Variants in UNC13C observed in about 807,000 individuals in gnomAD.
The protein encoded by UNC13C is unc-13 homolog C.
UNC13C carries 174 observed loss-of-function variants against 245.4 expected under a neutral mutation model. The observed-to-expected ratio is 0.71, with a 90% CI of 0.63 to 0.80. The LOEUF is 0.80. Among genes scored for constraint, UNC13C ranks in the 30% least tolerant of loss-of-function variants. The probability of loss-of-function intolerance (pLI) is 0.00; values close to 1 mark genes in which losing one functional copy is unlikely to be tolerated. For synonymous variants in UNC13C, 992 were observed against 895.1 expected (o/e 1.11, Z -1.93); for missense variants, 2,829 against 2,602.9 (o/e 1.09, Z -1.89).
At chr15:54,355,693 A>T (rs1375761226) in intron 17 of UNC13C, among the ~76,000 whole-genome samples, 1 of 151,980 alleles carries the variant, frequency 6.6e-6, no homozygotes, top group African/African-American at 2.4e-5. Flanking sequence ...TATTTATTAA[A>T]TTTTTTGTTA....
At chr15:54,278,769 T>C (rs894633917) in intron 10 of UNC13C, among the ~76,000 whole-genome samples, 10 of 152,166 alleles carry the variant, frequency 6.6e-5, no homozygotes, top group African/African-American at 2.4e-4. Context: ...TGTGAAATTC[T>C]TGACATTTGA....
At chr15:54,279,819 G>A (rs2036928941) in intron 10 of UNC13C, among the ~76,000 whole-genome samples, 1 of 152,112 alleles carries the variant, frequency 6.6e-6, no homozygotes, top group African/African-American at 2.4e-5. Context: ...CAGATAGGCT[G>A]GTAAGGAAAT....
chr15:54,365,941 A>G (rs1014190492), intron 17 of UNC13C, among the ~76,000 whole-genome samples: 3 of 152,180 alleles, frequency 2.0e-5, no homozygotes, highest in Admixed American at 2.0e-4. Context: ...TCAATTCTCC[A>G]TCTTGAAGAC....
the UNC13C span, among the ~76,000 whole-genome samples, chr15:53,892,190 G>A: frequency 2.0e-5 from 3 of 152,208 alleles, no homozygotes; most frequent in Non-Finnish European, 4.4e-5. Context: ...CTTAAAGAAT[G>A]TTGAGTATTG....
intron 4 of UNC13C, among the ~76,000 whole-genome samples, chr15:54,220,527 C>T (rs2035191931): frequency 1.3e-5 from 2 of 151,220 alleles, no homozygotes; most frequent in African/African-American, 4.9e-5. Flanking sequence ...AGCACACCAG[C>T]ATGGCACATG....
chr15:54,188,950 C>T (rs752243214), intron 4 of UNC13C, among the ~76,000 whole-genome samples: 14 of 152,186 alleles, frequency 9.2e-5, no homozygotes, highest in Non-Finnish European at 1.5e-4. Context: ...AGAAACAATG[C>T]GTATGCTTAC....
chr15:54,225,962 T>C (rs536083964), intron 4 of UNC13C, among the ~76,000 whole-genome samples: 4 of 152,282 alleles, frequency 2.6e-5, no homozygotes, highest in African/African-American at 7.2e-5. Context: ...ATGGCTCTTA[T>C]TATTTTGAGG....
chr15:54,341,028 A>G (rs1172402030), intron 17 of UNC13C, among the ~76,000 whole-genome samples: 1 of 152,246 alleles, frequency 6.6e-6, no homozygotes, highest in African/African-American at 2.4e-5. Context: ...GTGTTCAGTC[A>G]CTGTGGAAGG....
chr15:54,109,626 G>T (rs2141172155), intron 2 of UNC13C, among the ~76,000 whole-genome samples: 1 of 152,108 alleles, frequency 6.6e-6, no homozygotes, highest in East Asian at 1.9e-4. Flanking sequence ...ACAAGCATGA[G>T]CCACTGTACC....
At chr15:54,127,021 G>T (rs553027222) in intron 2 of UNC13C, among the ~76,000 whole-genome samples, 1 of 152,186 alleles carries the variant, frequency 6.6e-6, no homozygotes, top group African/African-American at 2.4e-5. Flanking sequence ...TCTCACACCA[G>T]TTAGAATGGC....
intron 19 of UNC13C, among the ~76,000 whole-genome samples, chr15:54,484,855 C>T (rs1893323878): frequency 6.6e-6 from 1 of 151,958 alleles, no homozygotes; most frequent in Non-Finnish European, 1.5e-5. Context: ...GAAAATGTAC[C>T]ATAAATTTCA....
chr15:54,072,672 G>A (rs1898385878), intron 2 of UNC13C, among the ~76,000 whole-genome samples: 1 of 152,120 alleles, frequency 6.6e-6, no homozygotes, highest in Admixed American at 6.6e-5. Context: ...AGATGGGAAA[G>A]GAATTTGAAT....
chr15:54,418,775 G>A (rs1447014759), intron 19 of UNC13C, among the ~76,000 whole-genome samples: 2 of 152,074 alleles, frequency 1.3e-5, no homozygotes, highest in Admixed American at 1.3e-4. Flanking sequence ...ATTAGCATCC[G>A]CTTTTCACCT....
chr15:54,608,276 G>A (rs1899885444), intron 30 of UNC13C, among the ~76,000 whole-genome samples: 1 of 152,176 alleles, frequency 6.6e-6, no homozygotes, highest in South Asian at 2.1e-4. Flanking sequence ...CACCAAATAT[G>A]TGTTAGACTG....
intron 8 of UNC13C, among the ~76,000 whole-genome samples, chr15:54,254,774 C>A (rs1031444334): frequency 6.6e-6 from 1 of 152,092 alleles, no homozygotes; most frequent in African/African-American, 2.4e-5. Context: ...AAAGTCAATC[C>A]TAGGGGGAAG....
chr15:54,130,287 ATTTTTTTTTT>A (rs71824258), intron 2 of UNC13C, among the ~76,000 whole-genome samples: 2 of 81,282 alleles, frequency 2.5e-5, no homozygotes, highest in African/African-American at 9.7e-5. Flanking sequence ...TAGATAATTA[ATTTTTTTTTT>A]TTTTTTTTTT....
intron 19 of UNC13C, among the ~76,000 whole-genome samples, chr15:54,442,153 C>G (rs73419647): frequency 0.086 from 13,094 of 151,540 alleles, 696 homozygotes; most frequent in African/African-American, 0.15. Context: ...AATTTTGATG[C>G]CTTTTTTTCT....
chr15:53,971,796 G>A, the UNC13C span, among the ~76,000 whole-genome samples: 35 of 152,208 alleles, frequency 2.3e-4, no homozygotes, highest in African/African-American at 7.2e-4. Flanking sequence ...CCAGAGGTAA[G>A]TATCTCTTCC....
chr15:54,428,881 C>T (rs142141049), intron 19 of UNC13C, among the ~76,000 whole-genome samples: 261 of 151,744 alleles, frequency 1.7e-3, no homozygotes, highest in African/African-American at 6.1e-3. Flanking sequence ...CACCCTTTCT[C>T]GGATTGGTGG....
Sources: allele counts gnomAD v4.1 joint callset (sites outside exome capture counted in the v4.1 genomes callset), GRCh38; gene constraint gnomAD v4.1.1; transcripts MANE v1.5; gene names NCBI Gene and HGNC (gene_info 2026-07-23, HGNC 2026-07-21).